DAB1: variants seen among roughly 807,000 people sequenced by gnomAD.
DAB1 encodes disabled homolog 1.
Under a neutral mutation model 64.6 loss-of-function variants are expected in DAB1, and 15 were observed. The observed-to-expected ratio is 0.23, with a 90% confidence interval of 0.16 to 0.36. The LOEUF (loss-of-function observed/expected upper bound fraction) is 0.36. DAB1 is among the 10% of genes least tolerant of loss of function. DAB1 has a pLI of 1.00. For synonymous variants in DAB1, 235 were observed against 251.9 expected (o/e 0.93, Z 0.64); for missense variants, 596 against 706.7 (o/e 0.84, Z 1.78).
At chr1:57,962,228 G>A (rs569964332) in intron 5 of DAB1, among the ~76,000 whole-genome samples, 4 of 152,188 alleles carry the variant, frequency 2.6e-5, no homozygotes, top group Non-Finnish European at 4.4e-5. Flanking sequence ...AAATTTTGCT[G>A]TGAATTCTGA....
intron 1 of DAB1, among the ~76,000 whole-genome samples, chr1:57,374,636 C>T (rs978526602): frequency 2.6e-5 from 4 of 152,196 alleles, no homozygotes; most frequent in Non-Finnish European, 4.4e-5. Flanking sequence ...TCATCTCCTG[C>T]CCTTCCTGGT....
chr1:57,002,433 T>C (rs1645903398), intron 14 of DAB1, among the ~76,000 whole-genome samples: 1 of 152,178 alleles, frequency 6.6e-6, no homozygotes, highest in African/African-American at 2.4e-5. Context: ...AGGTAAGTAA[T>C]TTTGGGGATG....
intron 5 of DAB1, among the ~76,000 whole-genome samples, chr1:58,054,264 C>G (rs956233553): frequency 2.0e-5 from 3 of 152,190 alleles, no homozygotes; most frequent in African/African-American, 7.2e-5. Flanking sequence ...AGAATAACTC[C>G]TATATCTACA....
chr1:57,849,295 C>A (rs1653420093), intron 1 of DAB1, among the ~76,000 whole-genome samples: 1 of 152,180 alleles, frequency 6.6e-6, no homozygotes, highest in South Asian at 2.1e-4. Flanking sequence ...CCTGTCTGCT[C>A]CTTGGCCTCT....
chr1:57,323,000 T>C (rs943808349), intron 1 of DAB1, among the ~76,000 whole-genome samples: 2 of 151,678 alleles, frequency 1.3e-5, no homozygotes, highest in Admixed American at 1.3e-4. Flanking sequence ...ACTAGTGATC[T>C]GCTAAAGTTT....
intron 1 of DAB1, among the ~76,000 whole-genome samples, chr1:57,387,892 C>T (rs1016422666): frequency 2.0e-5 from 3 of 151,738 alleles, no homozygotes; most frequent in African/African-American, 7.3e-5. Flanking sequence ...AGCCCTTCCA[C>T]CAGAAAGTCA....
At chr1:58,079,498 A>T (rs1570323537) in intron 5 of DAB1, among the ~76,000 whole-genome samples, 1 of 150,010 alleles carries the variant, frequency 6.7e-6, no homozygotes, top group Admixed American at 6.6e-5. Context: ...ATATTGTTAA[A>T]TGAATGAGCA....
chr1:57,949,549 TAC>T lies in DAB1; in HGVS notation n.388-65389_388-65388del, dbSNP rs879869080. 3.1e-3 allele frequency among the ~76,000 whole-genome samples: 421 copies of T among 134,712 alleles called. 4 individuals carry two copies. The highest frequency in any genetic ancestry group is 0.014 in the African/African-American group (399 of 28,000). 88.4% of individuals were successfully genotyped at this position (134,712 alleles called of 152,430 possible). ...TCTGTCTGTCTATCTATCATCTATCTACACACACACACACACAATATATATAT... is the reference window on the plus strand; with the variant it reads ...TCTGTCTGTCTATCTATCATCTATCTACACACACACACACAATATATATAT... On this transcript the variant is annotated intron_variant and non_coding_transcript_variant, in intron 5 of 20. Transcript: ENST00000485760.
Position 57,439,583 on chromosome 1 carries a change from C to T in DAB1, n.626-148417G>A, listed in dbSNP as rs534884212. On this transcript the variant is annotated intron_variant and non_coding_transcript_variant, in intron 7 of 20. Transcript: ENST00000485760. ...AGCTGGGACTACAGGCGCCCGCCACCGCGCCCGGCTAATTTTTTGTATTTT... is the reference window on the plus strand; with the variant it reads ...AGCTGGGACTACAGGCGCCCGCCACTGCGCCCGGCTAATTTTTTGTATTTT... 8.0e-4 allele frequency among the ~76,000 whole-genome samples: 118 copies of T among 147,282 alleles called. 1 individual carries two copies. The highest frequency in any genetic ancestry group is 2.8e-3 in the African/African-American group (109 of 39,190).
chr1:57,835,375 G>A (rs1652764776), intron 1 of DAB1, among the ~76,000 whole-genome samples: 1 of 152,180 alleles, frequency 6.6e-6, no homozygotes, highest in Non-Finnish European at 1.5e-5. Context: ...TTCAGATGAG[G>A]AAACTGACTC....
At chr1:58,337,792 G>A (rs575384494) in intron 4 of DAB1, among the ~76,000 whole-genome samples, 4 of 152,238 alleles carry the variant, frequency 2.6e-5, no homozygotes, top group East Asian at 3.9e-4. Flanking sequence ...ATATTAACCC[G>A]GAGAGACAGT....
chr1:57,469,508 C>T (rs889697363), intron 7 of DAB1, among the ~76,000 whole-genome samples: 2 of 152,162 alleles, frequency 1.3e-5, no homozygotes, highest in African/African-American at 4.8e-5. Context: ...ATGCTAGGTC[C>T]CACCAACAGC....
rs538405058 is a variant in DAB1, at chr1:57,761,445, G to GA, written n.552-111781dup. 3.8e-3 allele frequency among the ~76,000 whole-genome samples: 579 copies of GA among 152,310 alleles called. 3 individuals are homozygous for GA. Among genetic ancestry groups the GA allele is most frequent in the African/African-American group, 0.013 (555 of 41,570 alleles). On this transcript the variant is annotated intron_variant and non_coding_transcript_variant, in intron 6 of 20. Transcript: ENST00000485760. ...TCATGATTATGGGGCTTGGATAACTGAAGTTTGGGAAATTCTGGATTTGAC... is the reference window on the plus strand; with the variant it reads ...TCATGATTATGGGGCTTGGATAACTGAAAGTTTGGGAAATTCTGGATTTGAC...
intron 1 of DAB1, among the ~76,000 whole-genome samples, chr1:57,339,161 A>T (rs12144154): frequency 0.28 from 39,425 of 140,376 alleles, 5,985 homozygotes; most frequent in Non-Finnish European, 0.37. Context: ...ATTAATTATT[A>T]TTTTTTTTTT....
At chr1:57,750,318 C>T (rs1313181940) in intron 6 of DAB1, among the ~76,000 whole-genome samples, 1 of 152,166 alleles carries the variant, frequency 6.6e-6, no homozygotes, top group Non-Finnish European at 1.5e-5. Context: ...TATGTGTTCT[C>T]TCAAAGAGCA....
intron 3 of DAB1, among the ~76,000 whole-genome samples, chr1:58,349,090 T>A (rs1233489074): frequency 2.0e-5 from 3 of 152,206 alleles, no homozygotes; most frequent in African/African-American, 7.2e-5. Flanking sequence ...CAGAGAAATC[T>A]GTAAGCCTAA....
intron 7 of DAB1, among the ~76,000 whole-genome samples, chr1:57,648,560 C>T (rs954944002): frequency 1.3e-5 from 2 of 152,152 alleles, no homozygotes; most frequent in Admixed American, 6.6e-5. Context: ...CCAAAAGCTT[C>T]TCATATTTTT....
chr1:58,407,983 T>A (rs1030923623), intron 3 of DAB1, among the ~76,000 whole-genome samples: 4 of 152,152 alleles, frequency 2.6e-5, no homozygotes, highest in African/African-American at 9.6e-5. Flanking sequence ...CCTCACTCAC[T>A]CAGCTCCAAC....
intron 4 of DAB1, among the ~76,000 whole-genome samples, chr1:58,264,690 A>T (rs956661006): frequency 6.6e-6 from 1 of 152,200 alleles, no homozygotes; most frequent in African/African-American, 2.4e-5. Flanking sequence ...TTTTCATGCC[A>T]TTGAAGTGAC....
Sources: gnomAD v4.1 joint callset for allele counts (sites outside exome capture counted in the v4.1 genomes callset) on GRCh38, gnomAD v4.1.1 for gene constraint, MANE v1.5 for transcripts, NCBI Gene and HGNC (gene_info 2026-07-23, HGNC 2026-07-21) for gene names.